The following GAA variants were observed in gnomAD, a reference collection of about 807,000 sequenced individuals.
GAA encodes the protein alpha glucosidase, also known as lysosomal alpha-glucosidase.
In GAA, 88 loss-of-function variants were observed where a neutral mutation model predicts 103.9. The ratio of observed to expected loss-of-function variants is 0.85; its 90% CI spans 0.71 to 1.01. The LOEUF (loss-of-function observed/expected upper bound fraction) is 1.01. Ranked by LOEUF, GAA falls within the 50% of genes least tolerant of loss-of-function variation. GAA has a pLI of 0.00. For synonymous variants in GAA, 572 were observed against 563.1 expected (o/e 1.02, Z -0.22); for missense variants, 1,350 against 1,305.3 (o/e 1.03, Z -0.53).
rs1555600575 is a variant in GAA, at chr17:80,110,056, G to A, written c.1437+1G>A. On this transcript the variant is annotated splice_donor_variant, in intron 9 of 19. Transcript: ENST00000302262. LOFTEE classifies it high-confidence loss of function. ...GACCGGCCAGCCGCTGATTGGGAAG[G>A]TAGGGCGAGGGTCCAGGGGACGGGG... The A allele has an allele frequency of 1.9e-6, 3 of 1,612,144 alleles. No individual in the cohort carries two copies. Among genetic ancestry groups the A allele is most frequent in the Admixed American group, 1.7e-5 (1 of 60,022 alleles).
chr17:80,105,251 G>A, intron 2 of GAA, 119 bp downstream of exon 2: 1 of 1,049,728 alleles, frequency 9.5e-7, no homozygotes, highest in South Asian at 1.6e-5. Flanking sequence ...GCCCTTGCTG[G>A]GAGCGGAGGT....
In GAA at chr17:80,118,757, C is replaced by T. The variant is rs146507838; in HGVS notation, c.2751C>T (p.Leu917=). ...TGGCCACGGCGCCCCAGCAGGTCCT[C>T]TCCAACGGTGTCCCTGTCTCCAACT... ...LGVATAPQQV[L]SNGVPVSNFT... The change falls in exon 19 of 20, where the codon CTC becomes CTT. Residue 917 remains leucine (L), a synonymous_variant. Transcript: ENST00000302262. 2.6e-5 allele frequency: 42 copies of T among 1,613,456 alleles called. No homozygotes were observed. In the African/African-American group the frequency reaches 5.2e-4, roughly 20 times the overall value.
Position 80,109,946 on chromosome 17 carries a change from A to T in GAA, c.1328A>T (p.Asp443Val). ...QGGRRYMMIVDPAISSSGPAG... is the reference protein window; with the variant it reads ...QGGRRYMMIVVPAISSSGPAG... ...CTTGACAGGTTTCCCTCTTCCCAGG[A>T]TCCTGCCATCAGCAGCTCGGGCCCT... The change falls in exon 9 of 20, where the codon GAT becomes GTT. Residue 443 changes from aspartate (D) to valine (V), a missense_variant and splice_region_variant. Transcript: ENST00000302262. 6.2e-7 allele frequency: 1 copy of T among 1,612,832 alleles called. No individual in the cohort carries two copies. The highest frequency in any genetic ancestry group is 8.5e-7 in the Non-Finnish European group (1 of 1,179,488).
intron 15 of GAA, among the ~76,000 whole-genome samples, chr17:80,114,657 A>G (rs1284578256): frequency 6.6e-6 from 1 of 152,232 alleles, no homozygotes; most frequent in African/African-American, 2.4e-5. Context: ...ATAGGAGGGA[A>G]AAATGGGTTA....
chr17:80,118,887 C>T (rs937167549), intron 19 of GAA, 82 bp downstream of exon 19: 38 of 1,516,762 alleles, frequency 2.5e-5, no homozygotes, highest in Admixed American at 3.6e-5. Context: ...TCCTGGTGAC[C>T]GATGCCAGGA....
intron 2 of GAA, 116 bp from the exon 3 acceptor site, chr17:80,105,633 A>G: frequency 1.6e-6 from 2 of 1,249,400 alleles, no homozygotes; most frequent in East Asian, 2.3e-5. Context: ...TGTGCTGCCC[A>G]TGGTCCCACA....
intron 15 of GAA, 22 bp downstream of exon 15, chr17:80,113,388 G>T (rs752088707): frequency 5.9e-6 from 9 of 1,535,352 alleles, no homozygotes; most frequent in Non-Finnish European, 7.9e-6. Context: ...AGGCAGGGGC[G>T]GTGGCCCATG....
chr17:80,119,204 T>TCC (rs2039427863), intron 19 of GAA, 68 bp from the exon 20 acceptor site: 1 of 1,485,580 alleles, frequency 6.7e-7, no homozygotes, highest in East Asian at 2.3e-5. Flanking sequence ...TGGAGCCGCC[T>TCC]TCTGAGCGCT....
intron 11 of GAA, 126 bp downstream of exon 11, chr17:80,111,151 G>A: frequency 3.6e-6 from 3 of 844,730 alleles, no homozygotes; most frequent in Admixed American, 2.1e-5. Context: ...GCGGGGGGGG[G>A]ATCCCCAGGA....
rs398123169 is a variant in GAA at position 80,110,754 on chromosome 17, G to A, written c.1465G>A (p.Asp489Asn). ...KVWPGSTAFP[D>N]FTNPTALAWW... ...ATGGCCCGGGTCCACTGCCTTCCCC[G>A]ACTTCACCAACCCCACAGCCCTGGC... The change falls in exon 10 of 20, where the codon GAC (aspartate) becomes AAC (asparagine). Residue 489 changes from aspartate (D) to asparagine (N), a missense_variant. Coordinates refer to ENST00000302262, the MANE Select transcript of GAA (RefSeq NM_000152.5). 10 of 1,613,876 alleles carry A rather than the reference G, an allele frequency of 6.2e-6. No homozygotes were observed. The highest frequency in any genetic ancestry group is 4.4e-5 in the South Asian group (4 of 91,066).
rs1386718298 is a variant in GAA at position 80,107,609 on chromosome 17, T to C, written c.745T>C (p.Ser249Pro). Reference sequence around the variant, plus strand: ...CTTTGCGGACCAGTTCCTTCAGCTGTCCACCTCGCTGCCCTCGCAGTATAT... The same window carrying C: ...CTTTGCGGACCAGTTCCTTCAGCTGCCCACCTCGCTGCCCTCGCAGTATAT... The part of the protein sequence containing the change: ...LFFADQFLQL[S>P]TSLPSQYITG... The change falls in exon 4 of 20, where the codon TCC becomes CCC. Residue 249 changes from serine to proline, a missense_variant. Ser to Pro is a moderately conservative substitution (Grantham distance 74). Coordinates refer to ENST00000302262, the MANE Select transcript of GAA (RefSeq NM_000152.5). 1.9e-6 allele frequency: 3 copies of C among 1,613,238 alleles called. No individual in the cohort carries two copies. In the East Asian group the frequency reaches 6.7e-5, roughly 36 times the overall value.
At chr17:80,105,682 C>A (rs8069491) in intron 2 of GAA, 67 bp from the exon 3 acceptor site, 2 of 1,581,000 alleles carry the variant, frequency 1.3e-6, no homozygotes, top group African/African-American at 1.3e-5. Flanking sequence ...CTGTCCTTGG[C>A]GTGCGGGTTG....
rs1057516928 is a variant in GAA, at chr17:80,113,028, G to T, written c.2040+1G>T. The T allele has an allele frequency of 6.2e-7, 1 of 1,608,792 alleles. No individual in the cohort carries two copies. Among genetic ancestry groups the T allele is most frequent in the East Asian group, 2.2e-5 (1 of 44,740 alleles). ...GAACCACAACAGCCTGCTCAGTCTG[G>T]TAGGGTGGGGGTGGCGGCATGGCAG... On this transcript the variant is annotated splice_donor_variant, in intron 14 of 19. Transcript: ENST00000302262. LOFTEE classifies it high-confidence loss of function.
At position 80,119,316 on chromosome 17, in the gene GAA, C is replaced by T. The variant is rs774656713; in HGVS notation, c.2844C>T (p.Leu948=). The change falls in exon 20 of 20, where the codon CTC becomes CTT. Residue 948 remains leucine (L), a synonymous_variant. Coordinates refer to ENST00000302262, the MANE Select transcript of GAA (RefSeq NM_000152.5). ...CVSLLMGEQF[L]VSWC ...CGCTGTTGATGGGAGAGCAGTTTCT[C>T]GTCAGCTGGTGTTAGCCGGGCGGAG... 6 of 1,613,952 alleles carry T rather than the reference C, an allele frequency of 3.7e-6. No individual in the cohort carries two copies. The highest frequency in any genetic ancestry group is 1.3e-5 in the African/African-American group (1 of 75,028).
intron 5 of GAA, 72 bp downstream of exon 5, chr17:80,107,968 G>T (rs1010194384): frequency 2.2e-6 from 3 of 1,394,650 alleles, no homozygotes; most frequent in African/African-American, 2.9e-5. Flanking sequence ...CTGGAGGTCC[G>T]CATGAGGGGC....
In GAA at chr17:80,117,595, T is replaced by G. The variant is rs1276069832; in HGVS notation, c.2332-5T>G. 6.2e-7 allele frequency: 1 copy of G among 1,612,766 alleles called. No homozygotes were observed. Among genetic ancestry groups the G allele is most frequent in the East Asian group, 2.2e-5 (1 of 44,860 alleles). On this transcript the variant is annotated splice_region_variant and splice_polypyrimidine_tract_variant and intron_variant, in intron 16 of 19. Coordinates refer to ENST00000302262, the MANE Select transcript of GAA (RefSeq NM_000152.5). ...CAGAATCCTCAAAGCAACATCTCCC[T>G]CCAGGTGCCAGTAGAGGCCCTTGGC...
rs1207988953 is a variant in GAA at position 80,104,963 on chromosome 17, GGT to G, written c.379_380del (p.Cys127LeufsTer18). 8 of 1,612,552 alleles carry G rather than the reference GGT, an allele frequency of 5.0e-6. No individual in the cohort carries two copies. The highest frequency in any genetic ancestry group is 6.8e-6 in the Non-Finnish European group (8 of 1,179,874). On this transcript the variant is annotated frameshift_variant, in exon 2 of 20. Transcript: ENST00000302262. LOFTEE classifies it high-confidence loss of function. This position sits in a 1 kb window ranked among gnomAD's most constrained non-coding sequence, Gnocchi z 4.0. ...CAGGGAGCCCAGATGGGGCAGCCCT[GGT>G]GCTTCTTCCCACCCAGCTACCCCAG...
chr17:80,113,167 G>C (rs750006401), intron 14 of GAA, 51 bp from the exon 15 acceptor site: 1 of 1,551,298 alleles, frequency 6.4e-7, no homozygotes, highest in African/African-American at 1.4e-5. Context: ...GACTCCAGGG[G>C]ACCGCGGCCC....
At position 80,108,805 on chromosome 17, in the gene GAA, G is replaced by A. The variant is rs755829900; in HGVS notation, c.1303G>A (p.Gly435Ser). Reference sequence around the variant, plus strand: ...CATGGTGCAGGAGCTGCACCAGGGCGGCCGGCGCTACATGATGATCGTGGT... The same window carrying A: ...CATGGTGCAGGAGCTGCACCAGGGCAGCCGGCGCTACATGATGATCGTGGT... ...PAMVQELHQG[G>S]RRYMMIVDPA... The change falls in exon 8 of 20, where the codon GGC (glycine) becomes AGC (serine). Residue 435 changes from glycine to serine, a missense_variant. Physicochemically the swap from Gly to Ser is moderately conservative, Grantham distance 56. Transcript: ENST00000302262. 1.1e-5 allele frequency: 17 copies of A among 1,601,130 alleles called. No individual in the cohort carries two copies. Among genetic ancestry groups the A allele is most frequent in the South Asian group, 6.7e-5 (6 of 89,466 alleles).
Sources: gnomAD v4.1 joint callset for allele counts (sites outside exome capture counted in the v4.1 genomes callset) on GRCh38, gnomAD v4.1.1 for gene constraint, Gnocchi (gnomAD v3.1) non-coding constraint, MANE v1.5 for transcripts, NCBI Gene and HGNC (gene_info 2026-07-23, HGNC 2026-07-21) for gene names.